Variants in THBS4 observed in about 807,000 individuals in gnomAD.
THBS4 encodes thrombospondin-4.
Under a neutral mutation model 115.7 loss-of-function variants are expected in THBS4, and 90 were observed. The observed-to-expected ratio is 0.78, with a 90% CI of 0.66 to 0.93. THBS4 has a LOEUF of 0.93. Among genes scored for constraint, THBS4 ranks in the 40% least tolerant of loss-of-function variants. The pLI is 0.00. For missense variants in THBS4, 1,087 were observed against 1,232.7 expected (o/e 0.88, Z 1.77); for synonymous variants, 460 against 479.3 (o/e 0.96, Z 0.53).
intron 7 of THBS4, among the ~76,000 whole-genome samples, chr5:80,060,175 C>A (rs774249821): frequency 9.9e-5 from 15 of 152,216 alleles, no homozygotes; most frequent in Non-Finnish European, 2.1e-4. Context: ...TACACGCTGA[C>A]ATTTGCATTG....
intron 7 of THBS4, among the ~76,000 whole-genome samples, chr5:80,060,997 G>C (rs572473488): frequency 1.8e-4 from 27 of 152,254 alleles, no homozygotes; most frequent in African/African-American, 6.0e-4. Flanking sequence ...GATTACCTTC[G>C]CTAGTAGTAA....
At chr5:80,012,756 C>G (rs1580909898) in intron 2 of THBS4, among the ~76,000 whole-genome samples, 1 of 152,284 alleles carries the variant, frequency 6.6e-6, no homozygotes, top group African/African-American at 2.4e-5. Context: ...AATAAGAAAG[C>G]CTCATCCCAT....
chr5:80,071,941 G>C (rs1359956896), intron 13 of THBS4: 2 of 251,046 alleles, frequency 8.0e-6, no homozygotes, highest in Non-Finnish European at 1.6e-5. Context: ...ACACTGCCTA[G>C]AGCCCTAGGG....
upstream of THBS4, among the ~76,000 whole-genome samples, chr5:80,031,092 A>G (rs1229490135): frequency 1.3e-5 from 2 of 152,200 alleles, no homozygotes; most frequent in Admixed American, 6.5e-5. Flanking sequence ...CACATGCAGC[A>G]AAGGGGTTTG....
At chr5:80,064,674 G>A (rs938007021) in intron 8 of THBS4, among the ~76,000 whole-genome samples, 6 of 152,114 alleles carry the variant, frequency 3.9e-5, no homozygotes, top group East Asian at 1.9e-4. Context: ...CGAGGCTGCC[G>A]TGAGCTGTGA....
chr5:79,997,711 G>C (rs1467839793), intron 1 of THBS4, among the ~76,000 whole-genome samples: 1 of 152,100 alleles, frequency 6.6e-6, no homozygotes, highest in Non-Finnish European at 1.5e-5. Context: ...TTATTTTTAA[G>C]AGCCTATATA....
At chr5:79,999,806 A>C (rs77747729) in intron 2 of THBS4, among the ~76,000 whole-genome samples, 115 of 152,336 alleles carry the variant, frequency 7.5e-4, no homozygotes, top group African/African-American at 2.5e-3. Flanking sequence ...CTGATACCTC[A>C]GTTTATGGAA....
intron 2 of THBS4, among the ~76,000 whole-genome samples, chr5:80,014,599 T>C (rs1355603446): frequency 6.6e-6 from 1 of 152,192 alleles, no homozygotes; most frequent in Admixed American, 6.5e-5. Context: ...AGAAAGTGTC[T>C]GATACCATGG....
chr5:80,036,380 A>G (rs79070099), intron 1 of THBS4, among the ~76,000 whole-genome samples: 1 of 152,150 alleles, frequency 6.6e-6, no homozygotes. Context: ...CTCCAAAAGT[A>G]GGGGGGAAGG....
At chr5:80,025,758 C>T (rs1482064495) in intron 2 of THBS4, among the ~76,000 whole-genome samples, 1 of 152,212 alleles carries the variant, frequency 6.6e-6, no homozygotes, top group Non-Finnish European at 1.5e-5. Context: ...CTGAGGTCCT[C>T]CACGCGTTCC....
chr5:80,070,869 C>T, intron 12 of THBS4, 119 bp downstream of exon 12: 1 of 1,560,174 alleles, frequency 6.4e-7, no homozygotes, highest in Middle Eastern at 1.9e-4. Flanking sequence ...GCCTGCATTC[C>T]ACAGCACTGC....
chr5:80,032,786 AC>A (rs1394964466), upstream of THBS4, among the ~76,000 whole-genome samples: 1 of 152,250 alleles, frequency 6.6e-6, no homozygotes, highest in African/African-American at 2.4e-5. Flanking sequence ...GATGGTGCCT[AC>A]CCAGATTGAG....
At chr5:80,060,562 C>A (rs1429475313) in intron 7 of THBS4, among the ~76,000 whole-genome samples, 1 of 152,118 alleles carries the variant, frequency 6.6e-6, no homozygotes, top group Non-Finnish European at 1.5e-5. Flanking sequence ...GAGTTTGAGA[C>A]CAGCCCGGGC....
rs949863489 is a variant in THBS4, at chr5:80,078,283, T to G, written c.2265+56T>G. On this transcript the variant is annotated intron_variant, in intron 17 of 21. Coordinates refer to ENST00000350881, the MANE Select transcript of THBS4 (RefSeq NM_003248.6). Reference sequence around the variant, plus strand: ...CCTTGCCTCTCAACAGAGGCCCTTCTGATAGTGGTAGGTCATGTTTAGAGG... The same window carrying G: ...CCTTGCCTCTCAACAGAGGCCCTTCGGATAGTGGTAGGTCATGTTTAGAGG... 12 of 1,427,402 alleles carry G rather than the reference T, an allele frequency of 8.4e-6. 1 individual carries two copies. The African/African-American group carries it at 1.6e-4, about 19-fold the overall frequency. The allele number at this position is 1,427,402 out of a possible 1,614,324, so 88.4% of individuals were successfully genotyped here.
At chr5:79,995,806 G>A (rs1831780515) in intron 1 of THBS4, among the ~76,000 whole-genome samples, 1 of 151,408 alleles carries the variant, frequency 6.6e-6, no homozygotes, top group African/African-American at 2.4e-5. Context: ...AAAAATAAAA[G>A]TGCCTGAGAG....
chr5:80,078,835 C>A, intron 17 of THBS4, 86 bp from the exon 18 acceptor site: 1 of 1,326,468 alleles, frequency 7.5e-7, no homozygotes, highest in Non-Finnish European at 1.1e-6. Flanking sequence ...TGGCCACTCA[C>A]TCATATGGTG....
chr5:79,993,154 A>G (rs568241427), intron 1 of THBS4, among the ~76,000 whole-genome samples: 1 of 152,360 alleles, frequency 6.6e-6, no homozygotes, highest in African/African-American at 2.4e-5. Flanking sequence ...TACTACATAC[A>G]GTGATTTCAT....
intron 2 of THBS4, among the ~76,000 whole-genome samples, chr5:80,042,493 A>C (rs1045121965): frequency 1.7e-4 from 26 of 152,194 alleles, no homozygotes; most frequent in African/African-American, 4.8e-4. Context: ...TAAATTGGCC[A>C]GTATGTGTGA....
intron 10 of THBS4, 27 bp from the exon 11 acceptor site, chr5:80,070,278 AG>A: frequency 6.5e-7 from 1 of 1,532,540 alleles, no homozygotes. Flanking sequence ...TCAGCTTCCC[AG>A]GCCTCTGATG....
Sources: gnomAD v4.1 joint callset for allele counts (sites outside exome capture counted in the v4.1 genomes callset) on GRCh38, gnomAD v4.1.1 for gene constraint, MANE v1.5 for transcripts, NCBI Gene and HGNC (gene_info 2026-07-23, HGNC 2026-07-21) for gene names.